The following OOSP2 variants were observed in gnomAD, a reference collection of about 807,000 sequenced individuals.
OOSP2 encodes oocyte secreted protein 2.
OOSP2 carries 7 observed loss-of-function variants against 13.4 expected under a neutral mutation model. The observed-to-expected ratio is 0.52, with a 90% confidence interval of 0.30 to 0.98. OOSP2 has a LOEUF of 0.98. OOSP2 is among the 50% of genes least tolerant of loss of function. The probability of loss-of-function intolerance (pLI) is 0.07; values close to 1 mark genes in which losing one functional copy is unlikely to be tolerated. For synonymous variants in OOSP2, 75 were observed against 67.2 expected, an observed-to-expected ratio of 1.12 and a Z score of -0.57; for missense variants, 184 against 188.5, an observed-to-expected ratio of 0.98 and a Z score of 0.14.
intron 1 of OOSP2, among the ~76,000 whole-genome samples, chr11:60,042,254 C>T (rs1234852517): frequency 6.6e-6 from 1 of 152,228 alleles, no homozygotes; most frequent in East Asian, 1.9e-4. Flanking sequence ...TTAATCTTAG[C>T]TGCTGGAATT....
intron 3 of OOSP2, among the ~76,000 whole-genome samples, chr11:60,046,193 GTCTCTCTCTCTCTCTCTGTCTCTCTC>G (rs1855006547): frequency 7.0e-6 from 1 of 143,722 alleles, no homozygotes; most frequent in Non-Finnish European, 1.5e-5. Flanking sequence ...CGGTTTCTCT[GTCTCTCTCTCTCTCTCTGTCTCTCTC>G]TCTTTCTCCC....
chr11:60,045,093 A>G (rs1225495543), intron 3 of OOSP2, among the ~76,000 whole-genome samples: 1 of 152,158 alleles, frequency 6.6e-6, no homozygotes, highest in Admixed American at 6.5e-5. Flanking sequence ...TTAGTAAGTG[A>G]TAGGATTAAG....
intron 3 of OOSP2, among the ~76,000 whole-genome samples, chr11:60,045,735 T>C (rs1304352444): frequency 6.6e-6 from 1 of 152,216 alleles, no homozygotes; most frequent in African/African-American, 2.4e-5. Context: ...AAGTGTACAG[T>C]TCAGTGGCAT....
chr11:60,046,694 C>T, intron 3 of OOSP2: 2 of 595,766 alleles, frequency 3.4e-6, no homozygotes, highest in Non-Finnish European at 3.2e-6. Context: ...TTATCTAAGA[C>T]CATTCGTCTT....
At chr11:60,042,465 G>A (rs1339638161) in intron 1 of OOSP2, among the ~76,000 whole-genome samples, 2 of 152,190 alleles carry the variant, frequency 1.3e-5, no homozygotes, top group Non-Finnish European at 2.9e-5. Flanking sequence ...TCCAGTGGTG[G>A]TGGAGTCCTC....
intron 1 of OOSP2, among the ~76,000 whole-genome samples, chr11:60,043,043 T>C (rs1854957907): frequency 6.6e-6 from 1 of 152,138 alleles, no homozygotes; most frequent in South Asian, 2.1e-4. Flanking sequence ...TAGCTGGGAC[T>C]ACAGGCGCTT....
intron 3 of OOSP2, among the ~76,000 whole-genome samples, chr11:60,045,362 T>G (rs996014592): frequency 3.3e-5 from 5 of 151,878 alleles, no homozygotes; most frequent in Admixed American, 1.3e-4. Flanking sequence ...GGTATCCTGA[T>G]ACACTTTTTT....
rs560941583 is a variant in OOSP2 at position 60,047,133 on chromosome 11, A to G, written c.*60A>G. 130 of 1,411,312 alleles carry G rather than the reference A, an allele frequency of 9.2e-5. No homozygotes were observed. In the African/African-American group the frequency reaches 1.7e-3, roughly 18 times the overall value. The allele number at this position is 1,411,312 out of a possible 1,614,324, so 87.4% of individuals were successfully genotyped here. A position where few individuals can be genotyped will look rare whatever the true frequency, so the allele number is the denominator to read the frequency against. On this transcript the variant is annotated 3_prime_UTR_variant, in exon 4 of 4. Coordinates refer to ENST00000278855, the MANE Select transcript of OOSP2 (RefSeq NM_173801.5). ...ATGTATTTTGCAGGAAAACAGTTTCATTTTTTCATAGCAAAAATATAGTTG... is the reference window on the plus strand; with the variant it reads ...ATGTATTTTGCAGGAAAACAGTTTCGTTTTTTCATAGCAAAAATATAGTTG...
chr11:60,043,008 C>T (rs1408347507), intron 1 of OOSP2, among the ~76,000 whole-genome samples: 2 of 151,956 alleles, frequency 1.3e-5, no homozygotes, highest in African/African-American at 2.4e-5. Context: ...GGGTTCTCGC[C>T]GTTCTCCTGC....
At position 60,040,578 on chromosome 11, in the gene OOSP2, C is replaced by T. The variant is rs554609548; in HGVS notation, c.64+55C>T. 4.0e-5 allele frequency: 40 copies of T among 987,812 alleles called. No homozygotes were observed. In the African/African-American group the frequency reaches 5.6e-4, roughly 14 times the overall value. The allele number at this position is 987,812 out of a possible 1,614,324, so 61.2% of individuals were successfully genotyped here. ...TCGAAGGAGTTAATCATAATGATCG[C>T]TTTCCATGCAGGTGTTTTACTCCCT... On this transcript the variant is annotated intron_variant, in intron 1 of 3. Coordinates refer to ENST00000278855, the MANE Select transcript of OOSP2 (RefSeq NM_173801.5).
Position 60,043,590 on chromosome 11 carries a change from A to T in OOSP2, c.186A>T (p.Ile62=), listed in dbSNP as rs942512905. The T allele has an allele frequency of 3.1e-6, 5 of 1,608,880 alleles. No individual in the cohort carries two copies. Among genetic ancestry groups the T allele is most frequent in the Non-Finnish European group, 4.3e-6 (5 of 1,175,348 alleles). Residue 62 remains isoleucine (I), a synonymous_variant, in exon 2 of 4, where the codon ATA becomes ATT. Transcript: ENST00000278855. ...GAATGGGCTGCCCTGCAAATCGGAT[A>T]CATACATATGTATATGAGTTTATAT... ...HLGMGCPANR[I]HTYVYEFIYL...
chr11:60,046,199 C>G (rs188948811), intron 3 of OOSP2, among the ~76,000 whole-genome samples: 6 of 143,434 alleles, frequency 4.2e-5, no homozygotes, highest in South Asian at 4.4e-4. Context: ...CTCTGTCTCT[C>G]TCTCTCTCTC....
intron 1 of OOSP2, among the ~76,000 whole-genome samples, chr11:60,042,939 C>A (rs1854954924): frequency 6.6e-6 from 1 of 151,594 alleles, no homozygotes; most frequent in South Asian, 2.1e-4. Context: ...GAGTCTCTCT[C>A]TGTCACCCAG....
In OOSP2 at chr11:60,045,062, T is replaced by C. The variant is rs576439011; in HGVS notation, c.347+288T>C. On this transcript the variant is annotated intron_variant, in intron 3 of 3. Coordinates refer to ENST00000278855, the MANE Select transcript of OOSP2 (RefSeq NM_173801.5). ...ATAATAACTCAACTACAAAGCAGAG[T>C]CATTAAATACTCTGTCACCTTTAGT... is the stretch of plus-strand genomic sequence containing the variant. Among the ~76,000 whole-genome samples the C allele has an allele frequency of 2.5e-4, 38 of 152,202 alleles. 2 individuals carry two copies. The South Asian group carries it at 7.5e-3, about 30-fold the overall frequency.
chr11:60,041,276 A>G (rs1295718496), intron 1 of OOSP2, among the ~76,000 whole-genome samples: 1 of 152,222 alleles, frequency 6.6e-6, no homozygotes, highest in Admixed American at 6.5e-5. Context: ...AGCAAAGATC[A>G]CATATAGCTC....
At chr11:60,041,992 G>T (rs1151124) in intron 1 of OOSP2, among the ~76,000 whole-genome samples, 9,776 of 151,868 alleles carry the variant, frequency 0.064, 351 homozygotes, top group South Asian at 0.19. Context: ...GGTGCCTGTA[G>T]CCTGTAGTCC....
chr11:60,045,326 G>A (rs898626060), intron 3 of OOSP2, among the ~76,000 whole-genome samples: 2 of 151,112 alleles, frequency 1.3e-5, no homozygotes, highest in South Asian at 2.1e-4. Context: ...CAAGAGCCTC[G>A]TGTGAACTTT....
At position 60,047,214 on chromosome 11, in the gene OOSP2, C is replaced by G; in HGVS notation, c.*141C>G. On this transcript the variant is annotated 3_prime_UTR_variant, in exon 4 of 4. Transcript: ENST00000278855. ...TAAAAACCCTACTTCAGTAAAGGTCCTGATTAGTTGATTAGTGAATGTGTA... is the reference window on the plus strand; with the variant it reads ...TAAAAACCCTACTTCAGTAAAGGTCGTGATTAGTTGATTAGTGAATGTGTA... The G allele has an allele frequency of 1.6e-6, 1 of 632,892 alleles. No homozygotes were observed. 39.2% of individuals were successfully genotyped at this position (632,892 alleles called of 1,614,324 possible).
intron 2 of OOSP2, 41 bp downstream of exon 2, chr11:60,043,688 G>C: frequency 8.3e-7 from 1 of 1,204,436 alleles, no homozygotes; most frequent in Non-Finnish European, 1.2e-6. Flanking sequence ...TGCATGTTTT[G>C]TCAGACTTTT....
Sources: gnomAD v4.1 joint callset for allele counts (sites outside exome capture counted in the v4.1 genomes callset) on GRCh38, gnomAD v4.1.1 for gene constraint, MANE v1.5 for transcripts, NCBI Gene and HGNC (gene_info 2026-07-23, HGNC 2026-07-21) for gene names.